Variants in ARAP2 observed in about 807,000 individuals in gnomAD.
The protein encoded by ARAP2 is arf-GAP with Rho-GAP domain, ANK repeat and PH domain-containing protein 2.
ARAP2 carries 148 observed loss-of-function variants against 194.5 expected under a neutral mutation model. That is an observed-to-expected ratio of 0.76 (90% confidence interval 0.67 to 0.87). The LOEUF (loss-of-function observed/expected upper bound fraction) is 0.87. Ranked by LOEUF, ARAP2 falls within the 40% of genes least tolerant of loss-of-function variation. The pLI, the probability that ARAP2 is intolerant of heterozygous loss-of-function variation, is 0.00. For missense variants in ARAP2, 2,128 were observed against 1,989.7 expected (o/e 1.07, Z -1.32); for synonymous variants, 695 against 683.5 (o/e 1.02, Z -0.26).
chr4:36,026,699 C>G (rs1717970538), intron 5 of ARAP2, among the ~76,000 whole-genome samples: 1 of 152,182 alleles, frequency 6.6e-6, no homozygotes, highest in Admixed American at 6.6e-5. Context: ...ATGTTTGACT[C>G]TTTCTTGGGT....
chr4:36,135,198 C>T (rs537029836), intron 19 of ARAP2, among the ~76,000 whole-genome samples: 7 of 151,804 alleles, frequency 4.6e-5, no homozygotes, highest in Admixed American at 2.0e-4. Flanking sequence ...TTATATTCAA[C>T]CCAAAGAGGC....
At chr4:36,166,268 C>T (rs760825885) in intron 10 of ARAP2, among the ~76,000 whole-genome samples, 22 of 151,914 alleles carry the variant, frequency 1.4e-4, no homozygotes, top group Non-Finnish European at 2.8e-4. Flanking sequence ...TTATAACAAA[C>T]GAATTAATAC....
Position 36,147,754 on chromosome 4 carries a change from A to C in ARAP2, c.3001-8T>G. The C allele has an allele frequency of 6.3e-7, 1 of 1,592,398 alleles. No individual in the cohort carries two copies. Among genetic ancestry groups the C allele is most frequent in the Non-Finnish European group, 8.5e-7 (1 of 1,170,710 alleles). On this transcript the variant is annotated splice_region_variant and splice_polypyrimidine_tract_variant and intron_variant, in intron 17 of 32. Transcript: ENST00000303965. The stretch of plus-strand genomic sequence containing the variant: ...AAATAAGGGAACAAAATGCTGTTAA[A>C]ACAAATACAAAAAAGTAATAAAGAC...
rs185789080 is a variant in ARAP2 at position 36,199,767 on chromosome 4, G to A, written c.1488-6120C>T. ...ATAAATTCTGGAGATCTAATATACA[G>A]CATGGTGACTATAGCTAATAATGTA... On this transcript the variant is annotated intron_variant, in intron 6 of 32. Transcript: ENST00000303965. Among the ~76,000 whole-genome samples, 177 of 152,256 alleles carry A rather than the reference G, an allele frequency of 1.2e-3. 4 individuals are homozygous for A. Among genetic ancestry groups the A allele is most frequent in the Admixed American group, 0.011 (165 of 15,296 alleles).
intron 29 of ARAP2, 42 bp downstream of exon 29, chr4:36,083,326 C>T (rs1283239234): frequency 5.1e-6 from 7 of 1,376,844 alleles, no homozygotes; most frequent in Non-Finnish European, 7.1e-6. Context: ...ACATATTTTT[C>T]CCATAAGTTT....
chr4:36,052,826 G>C (rs1404214845), intron 2 of ARAP2, among the ~76,000 whole-genome samples: 2 of 152,116 alleles, frequency 1.3e-5, no homozygotes, highest in Non-Finnish European at 2.9e-5. Flanking sequence ...AAATGAGCCG[G>C]GCGTGGTGGC....
intron 26 of ARAP2, 132 bp downstream of exon 26, chr4:36,114,038 A>C (rs1212629225): frequency 5.7e-6 from 4 of 701,232 alleles, no homozygotes; most frequent in African/African-American, 1.8e-5. Context: ...TCAAACATAT[A>C]TTAATACATG....
At position 36,208,155 on chromosome 4, in the gene ARAP2, G is replaced by A. The variant is rs572727551; in HGVS notation, c.1487+2235C>T. Among the ~76,000 whole-genome samples the A allele has an allele frequency of 5.3e-5, 8 of 152,270 alleles. No homozygotes were observed. In the South Asian group the frequency reaches 1.2e-3, roughly 24 times the overall value. On this transcript the variant is annotated intron_variant, in intron 6 of 32. Transcript: ENST00000303965. ...GGGGTGGCAGGGGAGAGCAACAGTC[G>A]TAGTAGTAAATTTGGTGGCCAGGGC...
At chr4:36,087,218 T>C (rs1388002909) in intron 28 of ARAP2, among the ~76,000 whole-genome samples, 2 of 152,026 alleles carry the variant, frequency 1.3e-5, no homozygotes, top group Non-Finnish European at 2.9e-5. Context: ...TAGGGACAGA[T>C]CAGTAACATG....
chr4:36,210,447 T>G lies in ARAP2; in HGVS notation c.1430A>C (p.Tyr477Ser). The G allele has an allele frequency of 6.2e-7, 1 of 1,613,794 alleles. No individual in the cohort carries two copies. ...TTTAACCTTCTTTGCAGATGCTCCA[T>G]AAAAGCAGGCATAGGGAGATATTGC... ...SQAISPYACF[Y>S]GASAKKVKSG... The change falls in exon 6 of 33, where the codon TAT becomes TCT. Residue 477 changes from tyrosine to serine, a missense_variant. Physicochemically the swap from Tyr to Ser is moderately radical, Grantham distance 144. Coordinates refer to ENST00000303965, the MANE Select transcript of ARAP2 (RefSeq NM_015230.4).
chr4:36,032,786 A>G (rs1193675224), intron 5 of ARAP2, among the ~76,000 whole-genome samples: 1 of 152,154 alleles, frequency 6.6e-6, no homozygotes, highest in Non-Finnish European at 1.5e-5. Context: ...TACCACACCT[A>G]GTACCCAATA....
At chr4:36,187,621 G>T (rs769845549) in intron 7 of ARAP2, 50 bp from the exon 8 acceptor site, 1 of 1,456,906 alleles carries the variant, frequency 6.9e-7, no homozygotes, top group South Asian at 1.5e-5. Flanking sequence ...AAATTCTCTT[G>T]ATCTTATCAA....
intron 2 of ARAP2, among the ~76,000 whole-genome samples, chr4:36,054,317 T>C (rs1014030536): frequency 3.3e-5 from 5 of 152,182 alleles, no homozygotes; most frequent in African/African-American, 1.2e-4. Flanking sequence ...ATATACACCA[T>C]TGGCATTTAC....
intron 6 of ARAP2, among the ~76,000 whole-genome samples, chr4:36,198,972 C>T (rs1319451232): frequency 1.3e-5 from 2 of 152,194 alleles, no homozygotes; most frequent in African/African-American, 4.8e-5. Context: ...GGACTCCTGT[C>T]TGCTCCAGTG....
At chr4:36,077,117 G>A (rs1728425657) in intron 31 of ARAP2, among the ~76,000 whole-genome samples, 1 of 152,020 alleles carries the variant, frequency 6.6e-6, no homozygotes, top group Admixed American at 6.6e-5. Context: ...AGGAACTAAG[G>A]ACTAGACATT....
At chr4:36,223,100 C>T (rs2109317619) in intron 2 of ARAP2, among the ~76,000 whole-genome samples, 1 of 152,058 alleles carries the variant, frequency 6.6e-6, no homozygotes, top group Non-Finnish European at 1.5e-5. Context: ...TTGAGGGGCT[C>T]AGAAATCTTG....
chr4:36,096,964 T>C (rs1260163983), intron 27 of ARAP2, among the ~76,000 whole-genome samples: 8 of 152,168 alleles, frequency 5.3e-5, no homozygotes, highest in Non-Finnish European at 8.8e-5. Flanking sequence ...TTGTGAAATA[T>C]AGATATTTAA....
In ARAP2 at chr4:36,067,081, C is replaced by G. The variant is rs950378994; in HGVS notation, c.*826G>C. On this transcript the variant is annotated 3_prime_UTR_variant, in exon 33 of 33. Coordinates refer to ENST00000303965, the MANE Select transcript of ARAP2 (RefSeq NM_015230.4). ...AATGACAGTGCAATCAGCATCCAGG[C>G]CAGGTCCTGTGTACACAACCTCTCC... 6.6e-6 allele frequency: 1 copy of G among 152,204 alleles called. No individual in the cohort carries two copies. The highest frequency in any genetic ancestry group is 2.4e-5 in the African/African-American group (1 of 41,438). 9.4% of individuals were successfully genotyped at this position (152,204 alleles called of 1,614,324 possible). A position where few individuals can be genotyped will look rare whatever the true frequency, so the allele number is the denominator to read the frequency against.
intron 1 of ARAP2, chr4:36,243,843 G>C (rs1403938992): frequency 6.6e-6 from 1 of 152,226 alleles, no homozygotes; most frequent in Non-Finnish European, 1.5e-5. Flanking sequence ...GATCTCTACC[G>C]AGTAAATAAC....
Sources: allele counts gnomAD v4.1 joint callset (sites outside exome capture counted in the v4.1 genomes callset), GRCh38; gene constraint gnomAD v4.1.1; transcripts MANE v1.5; gene names NCBI Gene and HGNC (gene_info 2026-07-23, HGNC 2026-07-21).